The following LPP variants were observed in gnomAD, a reference collection of about 807,000 sequenced individuals.
LPP encodes lipoma-preferred partner.
Under a neutral mutation model 60.4 loss-of-function variants are expected in LPP, and 38 were observed. The observed-to-expected ratio is 0.63, with a 90% CI of 0.49 to 0.83. The LOEUF (loss-of-function observed/expected upper bound fraction) is 0.83. Among genes scored for constraint, LPP ranks in the 40% least tolerant of loss-of-function variants. The probability of loss-of-function intolerance (pLI) is 0.00; values close to 1 mark genes in which losing one functional copy is unlikely to be tolerated. For missense variants in LPP, 902 were observed against 783.6 expected (o/e 1.15, Z -1.80); for synonymous variants, 328 against 290.8 (o/e 1.13, Z -1.30).
chr3:188,498,738 A>G (rs1271142083), intron 5 of LPP, among the ~76,000 whole-genome samples: 2 of 152,056 alleles, frequency 1.3e-5, no homozygotes, highest in African/African-American at 4.8e-5. Flanking sequence ...CATTCATACC[A>G]TTTTCCACAG....
chr3:188,401,131 T>C (rs889755104), intron 3 of LPP, among the ~76,000 whole-genome samples: 5 of 152,222 alleles, frequency 3.3e-5, no homozygotes, highest in Non-Finnish European at 5.9e-5. Flanking sequence ...ACTCTATGTC[T>C]ATACTATTGG....
At chr3:188,558,329 C>A (rs748758721) in intron 6 of LPP, among the ~76,000 whole-genome samples, 2 of 152,070 alleles carry the variant, frequency 1.3e-5, no homozygotes, top group East Asian at 1.9e-4. Context: ...TTTCTCTGTT[C>A]GTATCATCTA....
intron 4 of LPP, among the ~76,000 whole-genome samples, chr3:188,465,464 T>C (rs996442481): frequency 2.6e-5 from 4 of 152,192 alleles, no homozygotes; most frequent in Non-Finnish European, 5.9e-5. Flanking sequence ...GTGTGACTGC[T>C]TTCACAGGTC....
chr3:188,697,044 AT>A (rs1256417188), intron 7 of LPP, among the ~76,000 whole-genome samples: 3 of 152,024 alleles, frequency 2.0e-5, no homozygotes, highest in African/African-American at 7.3e-5. Flanking sequence ...CTTTGATTTG[AT>A]TTTCACTGGT....
At chr3:188,657,798 C>G (rs908760955) in intron 7 of LPP, among the ~76,000 whole-genome samples, 3 of 152,120 alleles carry the variant, frequency 2.0e-5, no homozygotes, top group African/African-American at 7.2e-5. Flanking sequence ...TGGCTAAGCT[C>G]AAAAACACCA....
At chr3:188,830,943 A>G (rs1234929991) in intron 9 of LPP, among the ~76,000 whole-genome samples, 1 of 152,232 alleles carries the variant, frequency 6.6e-6, no homozygotes. Flanking sequence ...GAAATTGCAT[A>G]GAGTTTTTGT....
intron 4 of LPP, among the ~76,000 whole-genome samples, chr3:188,414,347 A>T (rs983916676): frequency 6.6e-6 from 1 of 152,174 alleles, no homozygotes; most frequent in Non-Finnish European, 1.5e-5. Flanking sequence ...GCTCACAGGA[A>T]CATTTTGGAT....
chr3:188,846,509 C>A (rs182470006), intron 9 of LPP, among the ~76,000 whole-genome samples: 1 of 151,826 alleles, frequency 6.6e-6, no homozygotes, highest in Non-Finnish European at 1.5e-5. Context: ...CATAATGAAA[C>A]CCCGTCTCTA....
intron 7 of LPP, among the ~76,000 whole-genome samples, chr3:188,619,572 G>A (rs115333410): frequency 6.6e-6 from 1 of 152,116 alleles, no homozygotes; most frequent in South Asian, 2.1e-4. Context: ...AGCCATACTC[G>A]CTTCATTCCA....
At chr3:188,578,777 C>A (rs1835367927) in intron 6 of LPP, among the ~76,000 whole-genome samples, 1 of 152,180 alleles carries the variant, frequency 6.6e-6, no homozygotes, top group Non-Finnish European at 1.5e-5. Context: ...TGATCACCAG[C>A]TGCATGTGCT....
chr3:188,690,536 C>T (rs565131374), intron 7 of LPP, among the ~76,000 whole-genome samples: 4 of 152,252 alleles, frequency 2.6e-5, no homozygotes, highest in East Asian at 1.9e-4. Flanking sequence ...GGAATGGATA[C>T]GGTGCCCTAA....
At chr3:188,775,619 G>C (rs1737497586) in intron 9 of LPP, among the ~76,000 whole-genome samples, 1 of 152,194 alleles carries the variant, frequency 6.6e-6, no homozygotes, top group African/African-American at 2.4e-5. Context: ...ACTGACCTGA[G>C]TCTGGCTGGG....
At chr3:188,240,937 T>C (rs570221827) in intron 2 of LPP, among the ~76,000 whole-genome samples, 1 of 152,336 alleles carries the variant, frequency 6.6e-6, no homozygotes, top group East Asian at 1.9e-4. Flanking sequence ...TGTGGATCTT[T>C]TATATGTCCT....
chr3:188,777,414 G>A (rs1232152171), intron 9 of LPP, among the ~76,000 whole-genome samples: 5 of 152,044 alleles, frequency 3.3e-5, no homozygotes, highest in African/African-American at 9.7e-5. Flanking sequence ...GTGGGCATTG[G>A]GGGTATGAAA....
At chr3:188,554,352 A>G (rs1462692249) in intron 6 of LPP, among the ~76,000 whole-genome samples, 1 of 152,170 alleles carries the variant, frequency 6.6e-6, no homozygotes, top group East Asian at 1.9e-4. Context: ...CTAACTTGCA[A>G]ATAGAGCTGA....
In LPP at chr3:188,250,784, TTCTG is replaced by T. The variant is rs71634070; in HGVS notation, c.-67+25261_-67+25264del. 4.7e-4 allele frequency among the ~76,000 whole-genome samples: 55 copies of T among 116,914 alleles called. 1 individual carries two copies. Among genetic ancestry groups the T allele is most frequent in the African/African-American group, 1.7e-3 (46 of 27,000 alleles). 76.7% of individuals were successfully genotyped at this position (116,914 alleles called of 152,430 possible). ...TTTCTTTCTTTCTTTCTTTCTTTCTTTCTGTCTTTCTCTTTCTTTCTTTCTCTTT... is the reference window on the plus strand; with the variant it reads ...TTTCTTTCTTTCTTTCTTTCTTTCTTTCTTTCTCTTTCTTTCTTTCTCTTT... On this transcript the variant is annotated intron_variant, in intron 2 of 11. Transcript: ENST00000617246.
chr3:188,491,789 A>G (rs1403088231), intron 5 of LPP, among the ~76,000 whole-genome samples: 1 of 152,172 alleles, frequency 6.6e-6, no homozygotes, highest in Non-Finnish European at 1.5e-5. Flanking sequence ...GAAGATGGAC[A>G]TTTTTGTTGT....
intron 2 of LPP, among the ~76,000 whole-genome samples, chr3:188,231,629 C>T (rs1720003888): frequency 6.6e-6 from 1 of 151,948 alleles, no homozygotes; most frequent in South Asian, 2.1e-4. Flanking sequence ...GGCACATACT[C>T]TTCCAGGGCC....
intron 2 of LPP, among the ~76,000 whole-genome samples, chr3:188,329,443 A>G (rs1360104501): frequency 6.6e-6 from 1 of 152,128 alleles, no homozygotes; most frequent in Non-Finnish European, 1.5e-5. Flanking sequence ...GATTTTTCCT[A>G]ATTTTGGAAT....
Sources: allele counts gnomAD v4.1 joint callset (sites outside exome capture counted in the v4.1 genomes callset), GRCh38; gene constraint gnomAD v4.1.1; transcripts MANE v1.5; gene names NCBI Gene and HGNC (gene_info 2026-07-23, HGNC 2026-07-21).